Variants in DNAJC1 observed in about 807,000 individuals in gnomAD.
DNAJC1 encodes the protein dnaJ homolog subfamily C member 1.
A neutral mutation model predicts 76.6 loss-of-function variants in DNAJC1; 58 were observed. The ratio of observed to expected loss-of-function variants is 0.76; its 90% CI spans 0.61 to 0.94. The LOEUF is 0.94. Ranked by LOEUF, DNAJC1 falls within the 40% of genes least tolerant of loss-of-function variation. The probability of loss-of-function intolerance (pLI) is 0.00; values close to 1 mark genes in which losing one functional copy is unlikely to be tolerated. For missense variants in DNAJC1, 689 were observed against 677.3 expected, an observed-to-expected ratio of 1.02 and a Z score of -0.19; for synonymous variants, 258 against 267.9, an observed-to-expected ratio of 0.96 and a Z score of 0.36.
chr10:21,889,166 G>A (rs1836417919), intron 7 of DNAJC1, among the ~76,000 whole-genome samples: 1 of 152,114 alleles, frequency 6.6e-6, no homozygotes, highest in Non-Finnish European at 1.5e-5. Flanking sequence ...ACGGCAGAAG[G>A]CAAAGGGAGA....
chr10:21,783,129 CATG>C (rs1451699562), intron 9 of DNAJC1, among the ~76,000 whole-genome samples: 2 of 152,172 alleles, frequency 1.3e-5, no homozygotes, highest in East Asian at 3.9e-4. Flanking sequence ...TTGTAGATGA[CATG>C]ATTGTATATT....
chr10:21,789,862 TAGCC>T (rs1034123803), intron 9 of DNAJC1, among the ~76,000 whole-genome samples: 10 of 151,496 alleles, frequency 6.6e-5, no homozygotes, highest in African/African-American at 2.4e-4. Context: ...GTACAAAAAT[TAGCC>T]AGGCAGGGTG....
intron 8 of DNAJC1, among the ~76,000 whole-genome samples, chr10:21,872,264 A>G (rs151156061): frequency 1.3e-5 from 2 of 151,578 alleles, no homozygotes; most frequent in African/African-American, 4.9e-5. Flanking sequence ...TAGTAGAGAC[A>G]GGGTTATGTT....
chr10:21,862,758 A>G (rs1278277324), intron 8 of DNAJC1, among the ~76,000 whole-genome samples: 2 of 152,098 alleles, frequency 1.3e-5, no homozygotes, highest in Non-Finnish European at 2.9e-5. Context: ...ACCAATGCTC[A>G]GAGGAAATTT....
intron 9 of DNAJC1, among the ~76,000 whole-genome samples, chr10:21,799,668 A>G (rs1589985053): frequency 2.6e-5 from 4 of 152,004 alleles, no homozygotes; most frequent in African/African-American, 7.2e-5. Context: ...TATCTATTCT[A>G]TGAAACCTCC....
chr10:21,768,522 C>T (rs1197282739), intron 9 of DNAJC1, among the ~76,000 whole-genome samples: 2 of 152,172 alleles, frequency 1.3e-5, no homozygotes, highest in African/African-American at 4.8e-5. Flanking sequence ...TGAAACAAAC[C>T]CTTAGCATGA....
intron 1 of DNAJC1, among the ~76,000 whole-genome samples, chr10:21,976,993 T>C (rs1185490858): frequency 1.3e-5 from 2 of 152,058 alleles, no homozygotes; most frequent in Non-Finnish European, 2.9e-5. Flanking sequence ...AAAGGGGCAA[T>C]GGGGCCAATG....
intron 1 of DNAJC1, among the ~76,000 whole-genome samples, chr10:21,962,130 T>C (rs1011775204): frequency 6.6e-6 from 1 of 152,192 alleles, no homozygotes; most frequent in East Asian, 1.9e-4. Flanking sequence ...TTTTTCTCCA[T>C]AGAATTGTAA....
intron 9 of DNAJC1, chr10:21,785,517 T>C (rs542657848): frequency 5.9e-5 from 9 of 152,260 alleles, no homozygotes; most frequent in African/African-American, 2.2e-4. Flanking sequence ...TAGCTTTCCA[T>C]GTCCTTTGAC....
intron 8 of DNAJC1, among the ~76,000 whole-genome samples, chr10:21,828,209 T>C (rs934558061): frequency 2.6e-5 from 4 of 152,204 alleles, no homozygotes; most frequent in African/African-American, 7.2e-5. Flanking sequence ...AGATGGCTGA[T>C]CTAGGCTGGG....
At chr10:21,818,719 T>C (rs79143974) in intron 8 of DNAJC1, among the ~76,000 whole-genome samples, 3,600 of 152,276 alleles carry the variant, frequency 0.024, 147 homozygotes, top group African/African-American at 0.081. Flanking sequence ...CAGGGGCAGG[T>C]TCCCCGATAA....
intron 9 of DNAJC1, among the ~76,000 whole-genome samples, chr10:21,770,117 G>C (rs181154975): frequency 6.6e-6 from 1 of 152,042 alleles, no homozygotes; most frequent in Non-Finnish European, 1.5e-5. Context: ...CTTCCCCAAC[G>C]AGTTGCTTCA....
At chr10:21,813,020 C>CACATAT (rs1421166049) in intron 8 of DNAJC1, among the ~76,000 whole-genome samples, 1 of 83,352 alleles carries the variant, frequency 1.2e-5, no homozygotes, top group Non-Finnish European at 2.4e-5. Flanking sequence ...GACATATACA[C>CACATAT]ACACATACAC....
At chr10:21,973,452 T>C (rs1383078476) in intron 1 of DNAJC1, among the ~76,000 whole-genome samples, 1 of 152,210 alleles carries the variant, frequency 6.6e-6, no homozygotes, top group Admixed American at 6.5e-5. Context: ...ACTCTATTGT[T>C]CTATTGTGAT....
chr10:21,892,033 G>A (rs1053919622), intron 7 of DNAJC1, among the ~76,000 whole-genome samples: 1 of 151,990 alleles, frequency 6.6e-6, no homozygotes, highest in African/African-American at 2.4e-5. Flanking sequence ...AAGGTAAAGG[G>A]ATTTAAGGGG....
At chr10:21,973,013 A>G (rs928783998) in intron 1 of DNAJC1, among the ~76,000 whole-genome samples, 3 of 152,182 alleles carry the variant, frequency 2.0e-5, no homozygotes, top group African/African-American at 7.2e-5. Flanking sequence ...TAACTGAAGT[A>G]AAGAAATACT....
At chr10:21,849,503 C>A (rs1835716894) in intron 8 of DNAJC1, among the ~76,000 whole-genome samples, 2 of 151,594 alleles carry the variant, frequency 1.3e-5, no homozygotes, top group Admixed American at 1.3e-4. Context: ...AAAGACAAAA[C>A]TGACAAGCCA....
intron 8 of DNAJC1, among the ~76,000 whole-genome samples, chr10:21,878,187 T>C (rs533935020): frequency 6.6e-6 from 1 of 152,296 alleles, no homozygotes; most frequent in East Asian, 1.9e-4. Flanking sequence ...ATTCAAGGTT[T>C]ACAGTATTTT....
At chr10:21,764,727 C>T (rs1251542776) in intron 10 of DNAJC1, among the ~76,000 whole-genome samples, 1 of 152,162 alleles carries the variant, frequency 6.6e-6, no homozygotes, top group Non-Finnish European at 1.5e-5. Context: ...TCTTTGGCTT[C>T]TTAAAGGCTA....
Sources: gnomAD v4.1 joint callset for allele counts (sites outside exome capture counted in the v4.1 genomes callset) on GRCh38, gnomAD v4.1.1 for gene constraint, MANE v1.5 for transcripts, NCBI Gene and HGNC (gene_info 2026-07-23, HGNC 2026-07-21) for gene names.